Variants in MTRR observed in about 807,000 individuals in gnomAD.
The protein encoded by MTRR is methionine synthase reductase.
Under a neutral mutation model 79.2 loss-of-function variants are expected in MTRR, and 63 were observed. The ratio of observed to expected loss-of-function variants is 0.80; its 90% CI spans 0.65 to 0.98. MTRR has a LOEUF of 0.98. Among genes scored for constraint, MTRR ranks in the 50% least tolerant of loss-of-function variants. The pLI is 0.00. For missense variants in MTRR, 895 were observed against 839.6 expected (o/e 1.07, Z -0.82); for synonymous variants, 355 against 313.3 (o/e 1.13, Z -1.41).
At chr5:7,873,663 AATG>A in intron 3 of MTRR, 137 bp downstream of exon 3, 6 of 979,592 alleles carry the variant, frequency 6.1e-6, no homozygotes, top group Non-Finnish European at 9.2e-6. Context: ...TGTATATATA[AATG>A]TATGTAATGT....
At chr5:7,879,034 T>G (rs1168743859) in intron 5 of MTRR, among the ~76,000 whole-genome samples, 1 of 152,254 alleles carries the variant, frequency 6.6e-6, no homozygotes, top group Non-Finnish European at 1.5e-5. Context: ...CTTTCTTGTA[T>G]ATTAGCACTG....
upstream of MTRR, chr5:7,866,104 A>G: frequency 2.8e-6 from 2 of 716,646 alleles, no homozygotes; most frequent in East Asian, 2.7e-5. Flanking sequence ...TTTAAATGAC[A>G]CTATGAAATG....
At chr5:7,865,858 C>A (rs376101954), upstream of MTRR, 43 of 1,460,318 alleles carry the variant, frequency 2.9e-5, no homozygotes, top group South Asian at 2.8e-4. Context: ...GGAAACTGCA[C>A]CCATGGGGAA....
At chr5:7,870,152 C>T in intron 1 of MTRR, 1 of 828,244 alleles carries the variant, frequency 1.2e-6, no homozygotes, top group Non-Finnish European at 1.5e-6. Context: ...GTTATATGCA[C>T]CCGTTTGTAT....
At chr5:7,880,468 G>T (rs929106152) in intron 5 of MTRR, among the ~76,000 whole-genome samples, 5 of 152,136 alleles carry the variant, frequency 3.3e-5, no homozygotes, top group African/African-American at 1.2e-4. Flanking sequence ...AGGTTACAGT[G>T]GACCTGTTTC....
At chr5:7,863,317 A>C (rs911829255) in intron 2 of MTRR, 1 of 280,706 alleles carries the variant, frequency 3.6e-6, no homozygotes, top group African/African-American at 2.3e-5. Context: ...CTAACAGTTC[A>C]AGAAACATTT....
At chr5:7,867,924 C>T (rs1561115135), upstream of MTRR, 5 of 1,614,038 alleles carry the variant, frequency 3.1e-6, no homozygotes, top group Non-Finnish European at 4.2e-6. Flanking sequence ...AATTTGACCC[C>T]GAAAGGCTCA....
chr5:7,873,564 T>C, intron 3 of MTRR, 38 bp downstream of exon 3: 1 of 1,603,890 alleles, frequency 6.2e-7, no homozygotes, highest in South Asian at 1.1e-5. Context: ...TATAGTATAC[T>C]ATTGATATCT....
intron 2 of MTRR, chr5:7,863,051 G>T (rs1049679419): frequency 1.7e-5 from 25 of 1,481,302 alleles, no homozygotes; most frequent in Admixed American, 3.7e-5. Flanking sequence ...TAACAACAGA[G>T]AATAAATTGA....
chr5:7,868,267 C>A (rs1747203386), upstream of MTRR: 2 of 536,930 alleles, frequency 3.7e-6, no homozygotes, highest in Admixed American at 3.7e-5. Context: ...GTCTCTGCAT[C>A]CTAGAGTTAG....
intron 11 of MTRR, chr5:7,893,207 G>A (rs956437928): frequency 9.9e-6 from 4 of 404,736 alleles, no homozygotes; most frequent in Non-Finnish European, 1.8e-5. Flanking sequence ...ACATTGGCCT[G>A]GGGAGGGGTG....
rs747850307 is a variant in MTRR, at chr5:7,897,233, T to C, written c.1938T>C (p.His646=). 2.5e-6 allele frequency: 4 copies of C among 1,614,016 alleles called. No individual in the cohort carries two copies. The highest frequency in any genetic ancestry group is 1.7e-5 in the Admixed American group (1 of 60,016). The change falls in exon 14 of 15, where the codon CAT becomes CAC. Residue 646 remains histidine, a synonymous_variant. Transcript: ENST00000440940. ...VARILLQENG[H]IYVCGDAKNM... is the part of the protein sequence containing the mutation. ...GAATCCTCCTCCAGGAGAACGGCCA[T>C]ATTTATGTGTGTGGGTGAGTCATTA... is the stretch of plus-strand genomic sequence containing the variant.
upstream of MTRR, chr5:7,867,544 A>C (rs770559770): frequency 2.5e-6 from 4 of 1,614,278 alleles, no homozygotes; most frequent in East Asian, 2.2e-5. Flanking sequence ...CTTGCAAAGC[A>C]GTCACTAAAC....
intron 5 of MTRR, among the ~76,000 whole-genome samples, chr5:7,882,233 G>T (rs1403835766): frequency 6.6e-6 from 1 of 152,194 alleles, no homozygotes; most frequent in Non-Finnish European, 1.5e-5. Flanking sequence ...GTCCTGAGTT[G>T]GAACGAAGAG....
Position 7,883,217 on chromosome 5 carries a change from A to G in MTRR, c.843A>G (p.Ala281=). The change falls in exon 6 of 15, where the codon GCA becomes GCG. Residue 281 remains alanine, a synonymous_variant. Coordinates refer to ENST00000440940, the MANE Select transcript of MTRR (RefSeq NM_002454.3). ...TTTTTCAAGTGCCAATTTCAAAGGC[A>G]GTTCAACTTACTACGAATGATGCCA... ...DPVFQVPISK[A]VQLTTNDAIK... The G allele has an allele frequency of 6.2e-7, 1 of 1,614,252 alleles. No homozygotes were observed. Among genetic ancestry groups the G allele is most frequent in the South Asian group, 1.1e-5 (1 of 91,084 alleles).
chr5:7,891,577 G>A (rs1437033877), intron 10 of MTRR, among the ~76,000 whole-genome samples, 163 bp downstream of exon 10: 1 of 152,130 alleles, frequency 6.6e-6, no homozygotes, highest in Non-Finnish European at 1.5e-5. Flanking sequence ...TAGAGCTCCT[G>A]TCCTCTGGGA....
rs368140804 is a variant in MTRR at position 7,878,178 on chromosome 5, G to A, written c.636G>A (p.Val212=). 6.2e-7 allele frequency: 1 copy of A among 1,614,154 alleles called. No homozygotes were observed. Among genetic ancestry groups the A allele is most frequent in the Non-Finnish European group, 8.5e-7 (1 of 1,180,028 alleles). The change falls in exon 5 of 15, where the codon GTG becomes GTA. Residue 212 remains valine, a synonymous_variant. Transcript: ENST00000440940. ...KDSEVLKQNA[V]NSNQSNVVIE... is the part of the protein sequence containing the mutation. ...CTGAGGTTTTGAAGCAAAATGCAGT[G>A]AACAGCAACCAATCCAATGTTGTAA... is the stretch of plus-strand genomic sequence containing the variant.
Position 7,892,925 on chromosome 5 carries a change from G to A in MTRR, c.1557+12G>A, listed in dbSNP as rs1245487076. ...CCCTGGCTCCTAAGGTAAGAAATTA[G>A]TACCTTAACCTCAGCATTGTTAACT... On this transcript the variant is annotated intron_variant, in intron 11 of 14. Transcript: ENST00000440940. The A allele has an allele frequency of 6.2e-7, 1 of 1,610,510 alleles. No individual in the cohort carries two copies. Among genetic ancestry groups the A allele is most frequent in the African/African-American group, 1.3e-5 (1 of 74,942 alleles).
chr5:7,870,540 C>T (rs554421096), intron 1 of MTRR: 2 of 505,110 alleles, frequency 4.0e-6, no homozygotes, highest in Non-Finnish European at 7.1e-6. Context: ...TCGAGCCGAT[C>T]ATCTGATTTC....
Sources: gnomAD v4.1 joint callset for allele counts (sites outside exome capture counted in the v4.1 genomes callset) on GRCh38, gnomAD v4.1.1 for gene constraint, MANE v1.5 for transcripts, NCBI Gene and HGNC (gene_info 2026-07-23, HGNC 2026-07-21) for gene names.